The following COL4A3 variants were observed in gnomAD, a reference collection of about 807,000 sequenced individuals.
COL4A3 encodes collagen type IV alpha 3 chain.
COL4A3 carries 135 observed loss-of-function variants against 217.4 expected under a neutral mutation model. The ratio of observed to expected loss-of-function variants is 0.62; its 90% CI spans 0.54 to 0.72. The LOEUF (loss-of-function observed/expected upper bound fraction) is 0.72. Among genes scored for constraint, COL4A3 ranks in the 30% least tolerant of loss-of-function variants. The pLI is 0.00. For missense variants in COL4A3, 1,868 were observed against 2,119.9 expected (o/e 0.88, Z 2.33); for synonymous variants, 690 against 736.3 (o/e 0.94, Z 1.02).
At chr2:227,197,905 T>C (rs549736183) in intron 1 of COL4A3, among the ~76,000 whole-genome samples, 8 of 152,340 alleles carry the variant, frequency 5.3e-5, no homozygotes, top group Admixed American at 1.3e-4. Context: ...TCAAGGTTGG[T>C]GAGTGGTAGA....
rs78928259 is a variant in COL4A3 at position 227,204,169 on chromosome 2, G to C, written c.88-33799G>C. Among the ~76,000 whole-genome samples the C allele has an allele frequency of 2.0e-3, 308 of 152,120 alleles. 3 individuals are homozygous for C. Among genetic ancestry groups the C allele is most frequent in the Non-Finnish European group, 3.6e-3 (243 of 67,988 alleles). On this transcript the variant is annotated intron_variant, in intron 1 of 51. Transcript: ENST00000396578. ...TCCAAGATCCACCATTTACTAGCCG[G>C]GTGACTTTAAGAAAATTACCTAGTC... is the stretch of plus-strand genomic sequence containing the variant.
At position 227,254,145 on chromosome 2, in the gene COL4A3, A is replaced by G. The variant is rs748304803; in HGVS notation, c.799A>G (p.Met267Val). The part of the protein sequence containing the change: ...LKGEKGDKGA[M>V]GEPGPPGPSG... ...GGGGGAAAAGGGAGACAAGGGAGCA[A>G]TGGGCGAGCCTGGACCTCCTGGACC... is the stretch of plus-strand genomic sequence containing the variant. The change falls in exon 14 of 52, where the codon ATG (methionine) becomes GTG (valine). Residue 267 changes from methionine to valine, a missense_variant. This residue lies in a region of COL4A3 where 1,503 missense variants were observed against 1,786.1 expected (regional missense o/e 0.84). Coordinates refer to ENST00000396578, the MANE Select transcript of COL4A3 (RefSeq NM_000091.5). 6.8e-6 allele frequency: 11 copies of G among 1,613,898 alleles called. No homozygotes were observed. Among genetic ancestry groups the G allele is most frequent in the Middle Eastern group, 1.6e-4 (1 of 6,080 alleles).
chr2:227,249,230 A>ATATATATATTTTTTTTTTT, intron 9 of COL4A3, among the ~76,000 whole-genome samples: 3 of 14,692 alleles, frequency 2.0e-4, no homozygotes, highest in African/African-American at 8.0e-4. Flanking sequence ...ATATATATAT[A>ATATATATATTTTTTTTTTT]TTTTTTTTTT....
Position 227,211,981 on chromosome 2 carries a change from C to T in COL4A3, c.88-25987C>T, listed in dbSNP as rs73088286. On this transcript the variant is annotated intron_variant, in intron 1 of 51. Coordinates refer to ENST00000396578, the MANE Select transcript of COL4A3 (RefSeq NM_000091.5). The stretch of plus-strand genomic sequence containing the variant: ...CGTGCCCGGCCAGACTTGATTTTTG[C>T]GAGTCTGGAACCCACTTTTAGCTTT... 7.3e-3 allele frequency among the ~76,000 whole-genome samples: 1,114 copies of T among 152,054 alleles called. 14 individuals carry two copies. Among genetic ancestry groups the T allele is most frequent in the African/African-American group, 0.025 (1,057 of 41,470 alleles).
In COL4A3 at chr2:227,245,978, T is replaced by C; in HGVS notation, c.349T>C (p.Tyr117His). The change falls in exon 6 of 52, where the codon TAC becomes CAC. Residue 117 changes from tyrosine (Y) to histidine (H), a missense_variant. Physicochemically the swap from Tyr to His is moderately conservative, Grantham distance 83. This residue lies in a region of COL4A3 where 365 missense variants were observed against 333.8 expected (regional missense o/e 1.09). Coordinates refer to ENST00000396578, the MANE Select transcript of COL4A3 (RefSeq NM_000091.5). ...LPGTPGNTGP[Y>H]GLVGVPGCSG... ...GGGCACCCCAGGCAATACCGGGCCTTACGGACTTGTCGGTGTACCAGGATG... is the reference window on the plus strand; with the variant it reads ...GGGCACCCCAGGCAATACCGGGCCTCACGGACTTGTCGGTGTACCAGGATG... The C allele has an allele frequency of 1.9e-6, 3 of 1,613,982 alleles. No individual in the cohort carries two copies. The highest frequency in any genetic ancestry group is 1.7e-6 in the Non-Finnish European group (2 of 1,179,856).
chr2:227,254,255 A>AGGT, intron 14 of COL4A3, 81 bp downstream of exon 14: 1 of 1,316,282 alleles, frequency 7.6e-7, no homozygotes, highest in Non-Finnish European at 1.1e-6. Context: ...TTTTGTCTTA[A>AGGT]GTTGTTTTTT....
chr2:227,236,460 C>A (rs2068703671), intron 1 of COL4A3, among the ~76,000 whole-genome samples: 1 of 152,168 alleles, frequency 6.6e-6, no homozygotes, highest in Non-Finnish European at 1.5e-5. Context: ...GTAGAATTCT[C>A]CACCTTAGGA....
At chr2:227,283,290 C>A (rs578146615) in intron 32 of COL4A3, among the ~76,000 whole-genome samples, 1 of 152,192 alleles carries the variant, frequency 6.6e-6, no homozygotes, top group Non-Finnish European at 1.5e-5. Flanking sequence ...ACAACTTAAT[C>A]GACACATTAT....
chr2:227,293,323 G>A lies in COL4A3; in HGVS notation c.3337+6G>A. On this transcript the variant is annotated splice_donor_region_variant and intron_variant, in intron 38 of 51. Transcript: ENST00000396578. Reference sequence around the variant, plus strand: ...TGGAAGTCCTGGCCTCCCAGGTAAGGCTTGAGTTTACAATTCTAAAAGCTG... The same window carrying A: ...TGGAAGTCCTGGCCTCCCAGGTAAGACTTGAGTTTACAATTCTAAAAGCTG... The A allele has an allele frequency of 6.2e-7, 1 of 1,613,732 alleles. No individual in the cohort carries two copies. Among genetic ancestry groups the A allele is most frequent in the Non-Finnish European group, 8.5e-7 (1 of 1,179,964 alleles).
intron 1 of COL4A3, among the ~76,000 whole-genome samples, chr2:227,227,024 CATTACAA>C (rs1475518083): frequency 6.6e-6 from 1 of 152,192 alleles, no homozygotes; most frequent in Non-Finnish European, 1.5e-5. Context: ...ATAATTTTCA[CATTACAA>C]AATGTTATTT....
At chr2:227,199,346 G>T (rs1160306502) in intron 1 of COL4A3, among the ~76,000 whole-genome samples, 1 of 152,060 alleles carries the variant, frequency 6.6e-6, no homozygotes, top group Non-Finnish European at 1.5e-5. Context: ...GATACTACTT[G>T]GCAATCTTTA....
intron 2 of COL4A3, 76 bp from the exon 3 acceptor site, chr2:227,240,067 C>T: frequency 2.5e-6 from 3 of 1,189,014 alleles, no homozygotes; most frequent in East Asian, 2.5e-5. Flanking sequence ...AACAAGAGAA[C>T]ATAATGGTTA....
chr2:227,240,380 C>T, intron 3 of COL4A3, 148 bp downstream of exon 3: 1 of 741,472 alleles, frequency 1.3e-6, no homozygotes, highest in Non-Finnish European at 2.4e-6. Flanking sequence ...ATTAGTGGGC[C>T]ACATAGAACC....
At chr2:227,241,697 T>A (rs1344514166) in intron 3 of COL4A3, among the ~76,000 whole-genome samples, 1 of 152,130 alleles carries the variant, frequency 6.6e-6, no homozygotes, top group East Asian at 1.9e-4. Context: ...TGTGTGTATA[T>A]ATATATATGT....
rs1225037194 is a variant in COL4A3, at chr2:227,249,226, A to ATTTTTTTT, written c.546+707_546+708insTTTTTTTT. Among the ~76,000 whole-genome samples the ATTTTTTTT allele has an allele frequency of 3.7e-4, 9 of 24,212 alleles. 1 individual carries two copies. In the East Asian group the frequency reaches 7.6e-3, roughly 20 times the overall value. 15.9% of individuals were successfully genotyped at this position (24,212 alleles called of 152,430 possible). On this transcript the variant is annotated intron_variant, in intron 9 of 51. Transcript: ENST00000396578. ...AAAATTAGCTAGTATATATATATAT[A>ATTTTTTTT]TATATTTTTTTTTTTTTTTTTTTTT...
At chr2:227,275,965 G>A (rs528907537) in intron 26 of COL4A3, among the ~76,000 whole-genome samples, 2 of 151,708 alleles carry the variant, frequency 1.3e-5, no homozygotes, top group South Asian at 2.1e-4. Flanking sequence ...ATTGCAGCTC[G>A]CTGCCAGCGC....
In COL4A3 at chr2:227,164,883, G is replaced by A; in HGVS notation, c.87+70G>A. ...CCTCCACGCGTCCGGGGGACGCGCT[G>A]GCCCCACCCGCAGCGGCGCGGTAGT... On this transcript the variant is annotated intron_variant, in intron 1 of 51. Coordinates refer to ENST00000396578, the MANE Select transcript of COL4A3 (RefSeq NM_000091.5). The surrounding 1 kb of genome is among the most constrained non-coding windows in gnomAD (Gnocchi z 4.8). 4 of 1,398,714 alleles carry A rather than the reference G, an allele frequency of 2.9e-6. No homozygotes were observed. The highest frequency in any genetic ancestry group is 1.6e-5 in the South Asian group (1 of 63,744). 86.6% of individuals were successfully genotyped at this position (1,398,714 alleles called of 1,614,324 possible). A position where few individuals can be genotyped will look rare whatever the true frequency, so the allele number is the denominator to read the frequency against.
intron 1 of COL4A3, among the ~76,000 whole-genome samples, chr2:227,195,694 T>C (rs1209680541): frequency 1.4e-5 from 2 of 147,398 alleles, no homozygotes; most frequent in Non-Finnish European, 3.0e-5. Flanking sequence ...TGTGTGTGTG[T>C]GTATGTGTGT....
At chr2:227,269,152 T>C (rs900402886) in intron 23 of COL4A3, among the ~76,000 whole-genome samples, 1 of 152,202 alleles carries the variant, frequency 6.6e-6, no homozygotes, top group South Asian at 2.1e-4. Flanking sequence ...TAAATACCTA[T>C]GGGAAGTATA....
Sources: gnomAD v4.1 joint callset for allele counts (sites outside exome capture counted in the v4.1 genomes callset) on GRCh38, gnomAD v4.1.1 for gene constraint, gnomAD v4.1.1 regional missense constraint, Gnocchi (gnomAD v3.1) non-coding constraint, MANE v1.5 for transcripts, NCBI Gene and HGNC (gene_info 2026-07-23, HGNC 2026-07-21) for gene names.